Variants in ARL6IP5 observed in about 807,000 individuals in gnomAD.
The protein encoded by ARL6IP5 is ARF like GTPase 6 interacting protein 5.
A neutral mutation model predicts 13.0 loss-of-function variants in ARL6IP5; 6 were observed. That is an observed-to-expected ratio of 0.46 (90% CI 0.25 to 0.91). ARL6IP5 has a LOEUF of 0.91. Among genes scored for constraint, ARL6IP5 ranks in the 40% least tolerant of loss-of-function variants. The pLI is 0.17. For synonymous variants in ARL6IP5, 91 were observed against 91.9 expected, an observed-to-expected ratio of 0.99 and a Z score of 0.06; for missense variants, 208 against 248.8, an observed-to-expected ratio of 0.84 and a Z score of 1.10.
intron 1 of ARL6IP5, among the ~76,000 whole-genome samples, chr3:69,089,238 G>A (rs1043786229): frequency 5.9e-5 from 9 of 152,098 alleles, no homozygotes; most frequent in African/African-American, 2.2e-4. Flanking sequence ...GCAGGGTCCA[G>A]GCATCTGTTG....
At chr3:69,100,874 A>G (rs7625579) in intron 1 of ARL6IP5, among the ~76,000 whole-genome samples, 16,098 of 151,838 alleles carry the variant, frequency 0.11, 1,576 homozygotes, top group East Asian at 0.36. Context: ...TGTGGACTGG[A>G]GCTCAATGGA....
Position 69,105,942 on chromosome 3 carries a change from C to G in ARL6IP5, c.*1306C>G, listed in dbSNP as rs2092320876. ...GATGTGCTGCTTCTGATTTTTCTTG[C>G]ATTTTAAATTCTCAGCCAACCTACA... On this transcript the variant is annotated 3_prime_UTR_variant, in exon 3 of 3. Coordinates refer to ENST00000273258, the MANE Select transcript of ARL6IP5 (RefSeq NM_006407.4). The G allele has an allele frequency of 6.6e-6, 1 of 152,154 alleles. No individual in the cohort carries two copies. Among genetic ancestry groups the G allele is most frequent in the African/African-American group, 2.4e-5 (1 of 41,434 alleles). 9.4% of individuals were successfully genotyped at this position (152,154 alleles called of 1,614,324 possible). A position where few individuals can be genotyped will look rare whatever the true frequency, so the allele number is the denominator to read the frequency against.
Position 69,086,589 on chromosome 3 carries a change from G to A in ARL6IP5, c.176+1366G>A, listed in dbSNP as rs911947219. ...GAGGGCACAGGCTCTGAGTGGACTC[G>A]GAACTAGTGTGGCAGCCAAGGTACA... On this transcript the variant is annotated intron_variant, in intron 1 of 2. Transcript: ENST00000273258. 4.6e-5 allele frequency among the ~76,000 whole-genome samples: 7 copies of A among 152,328 alleles called. No individual in the cohort carries two copies. The East Asian group carries it at 1.2e-3, about 25-fold the overall frequency.
chr3:69,092,506 G>A (rs114903864), intron 1 of ARL6IP5, among the ~76,000 whole-genome samples: 2 of 152,150 alleles, frequency 1.3e-5, no homozygotes, highest in Non-Finnish European at 2.9e-5. Flanking sequence ...GAGTCTCTCT[G>A]CATCGCCCAA....
intron 1 of ARL6IP5, among the ~76,000 whole-genome samples, chr3:69,092,655 A>T (rs190041055): frequency 1.3e-5 from 2 of 151,912 alleles, no homozygotes; most frequent in Admixed American, 1.3e-4. Context: ...TTTTTAAGTG[A>T]TTACAGGCAC....
chr3:69,085,240 T>C lies in ARL6IP5; in HGVS notation c.176+17T>C. The stretch of plus-strand genomic sequence containing the variant: ...CATTGTGGGGTAAGTGGGGTCCCCC[T>C]ACCCGGGACACCGATCCGGGGCGAG... On this transcript the variant is annotated intron_variant, in intron 1 of 2. Coordinates refer to ENST00000273258, the MANE Select transcript of ARL6IP5 (RefSeq NM_006407.4). 1 of 1,604,586 alleles carries C rather than the reference T, an allele frequency of 6.2e-7. No individual in the cohort carries two copies. The highest frequency in any genetic ancestry group is 1.1e-5 in the South Asian group (1 of 90,610).
rs973564389 is a variant in ARL6IP5 at position 69,104,956 on chromosome 3, C to A, written c.*320C>A. The stretch of plus-strand genomic sequence containing the variant: ...AATTACGGCTTTTACAGCAACAATA[C>A]GATTATCTTATAGGAAAAAAAAAAT... On this transcript the variant is annotated 3_prime_UTR_variant, in exon 3 of 3. Coordinates refer to ENST00000273258, the MANE Select transcript of ARL6IP5 (RefSeq NM_006407.4). 1.5e-6 allele frequency: 1 copy of A among 678,428 alleles called. No homozygotes were observed. Among genetic ancestry groups the A allele is most frequent in the East Asian group, 2.7e-5 (1 of 37,044 alleles). 42.0% of individuals were successfully genotyped at this position (678,428 alleles called of 1,614,324 possible).
rs1257333523 is a variant in ARL6IP5, at chr3:69,104,488, G to C, written c.419G>C (p.Arg140Thr). 1 of 1,613,934 alleles carries C rather than the reference G, an allele frequency of 6.2e-7. No homozygotes were observed. The highest frequency in any genetic ancestry group is 1.3e-5 in the African/African-American group (1 of 75,032). ...GTGATGTTTATCCATGCATCGTTGA[G>C]ACTTCGGAACCTCAAGAACAAACTG... The part of the protein sequence containing the change: ...LLLMFIHASL[R>T]LRNLKNKLEN... The change falls in exon 3 of 3, where the codon AGA becomes ACA. Residue 140 changes from arginine to threonine, a missense_variant. Coordinates refer to ENST00000273258, the MANE Select transcript of ARL6IP5 (RefSeq NM_006407.4).
rs1445507815 is a variant in ARL6IP5, at chr3:69,104,835, C to T, written c.*199C>T. ...ACCTCAGAAACCGAAAGAAAACCAC[C>T]ACCCTCCTATTGTGTCTGAAGTTTC... On this transcript the variant is annotated 3_prime_UTR_variant, in exon 3 of 3. Transcript: ENST00000273258. 3 of 715,962 alleles carry T rather than the reference C, an allele frequency of 4.2e-6. No individual in the cohort carries two copies. Among genetic ancestry groups the T allele is most frequent in the African/African-American group, 3.5e-5 (2 of 57,276 alleles). 44.4% of individuals were successfully genotyped at this position (715,962 alleles called of 1,614,324 possible). A position where few individuals can be genotyped will look rare whatever the true frequency, so the allele number is the denominator to read the frequency against.
chr3:69,101,580 GA>G (rs765152702), intron 1 of ARL6IP5, among the ~76,000 whole-genome samples: 21 of 151,938 alleles, frequency 1.4e-4, no homozygotes, highest in Non-Finnish European at 3.1e-4. Context: ...CTTGGCCTCT[GA>G]AAGTGCTGGG....
intron 1 of ARL6IP5, among the ~76,000 whole-genome samples, chr3:69,091,226 T>C (rs954507773): frequency 6.6e-6 from 1 of 152,040 alleles, no homozygotes; most frequent in Non-Finnish European, 1.5e-5. Flanking sequence ...ATATAAATCT[T>C]TAATAAGGAT....
At chr3:69,101,414 C>A (rs1452608063) in intron 1 of ARL6IP5, among the ~76,000 whole-genome samples, 4 of 150,490 alleles carry the variant, frequency 2.7e-5, no homozygotes, top group Admixed American at 2.6e-4. Context: ...ACTCAACCTC[C>A]CAGGTTCAAG....
At chr3:69,095,006 A>G (rs1199785587) in intron 1 of ARL6IP5, among the ~76,000 whole-genome samples, 1 of 152,198 alleles carries the variant, frequency 6.6e-6, no homozygotes, top group African/African-American at 2.4e-5. Context: ...GAGAGAAATG[A>G]GAGTGCAGAG....
At chr3:69,103,890 T>G (rs1271932579) in intron 2 of ARL6IP5, among the ~76,000 whole-genome samples, 1 of 152,122 alleles carries the variant, frequency 6.6e-6, no homozygotes, top group African/African-American at 2.4e-5. Context: ...GGATAGGGAA[T>G]CTGTGGTAAA....
intron 1 of ARL6IP5, among the ~76,000 whole-genome samples, chr3:69,096,481 T>A (rs11128111): frequency 3.9e-5 from 6 of 151,940 alleles, no homozygotes; most frequent in Non-Finnish European, 8.8e-5. Flanking sequence ...TAGGAGCCCT[T>A]TGATGCTTTG....
At chr3:69,095,190 A>G (rs1362940897) in intron 1 of ARL6IP5, among the ~76,000 whole-genome samples, 2 of 152,136 alleles carry the variant, frequency 1.3e-5, no homozygotes, top group Non-Finnish European at 2.9e-5. Context: ...TCTGGGCCTC[A>G]GTTTAGTTAT....
chr3:69,103,227 C>T (rs1372910802), intron 2 of ARL6IP5, among the ~76,000 whole-genome samples: 1 of 152,190 alleles, frequency 6.6e-6, no homozygotes, highest in East Asian at 1.9e-4. Flanking sequence ...TTTAATCAAA[C>T]AGCTTGCTAA....
At chr3:69,100,693 AT>A (rs1335246622) in intron 1 of ARL6IP5, among the ~76,000 whole-genome samples, 5 of 151,874 alleles carry the variant, frequency 3.3e-5, no homozygotes, top group Non-Finnish European at 2.9e-5. Flanking sequence ...AGGCACAAGA[AT>A]TGCTTGAACC....
At position 69,104,108 on chromosome 3, in the gene ARL6IP5, T is replaced by C. The variant is rs76471357; in HGVS notation, c.395-356T>C. Among the ~76,000 whole-genome samples, 40 of 152,240 alleles carry C rather than the reference T, an allele frequency of 2.6e-4. No individual in the cohort carries two copies. The East Asian group carries it at 6.8e-3, about 26-fold the overall frequency. ...TCTTTTCTGGAAAGCCTCGGGTAAG[T>C]TGATTTTTAAGTAGGATGGAATCCC... On this transcript the variant is annotated intron_variant, in intron 2 of 2. Coordinates refer to ENST00000273258, the MANE Select transcript of ARL6IP5 (RefSeq NM_006407.4).
Sources: gnomAD v4.1 joint callset for allele counts (sites outside exome capture counted in the v4.1 genomes callset) on GRCh38, gnomAD v4.1.1 for gene constraint, MANE v1.5 for transcripts, NCBI Gene and HGNC (gene_info 2026-07-23, HGNC 2026-07-21) for gene names.